The following C4orf51 variants were observed in gnomAD, a reference collection of about 807,000 sequenced individuals.
The protein encoded by C4orf51 is chromosome 4 open reading frame 51, also known as uncharacterized protein C4orf51.
In C4orf51, 25 loss-of-function variants were observed where a neutral mutation model predicts 25.2. That is an observed-to-expected ratio of 0.99 (90% CI 0.72 to 1.39). The LOEUF (loss-of-function observed/expected upper bound fraction) is 1.39, where lower values mean the gene tolerates loss of function less well. Among genes scored for constraint, C4orf51 ranks in the 40% most tolerant of loss-of-function variants. The pLI is 0.00. For missense variants in C4orf51, 252 were observed against 239.6 expected, an observed-to-expected ratio of 1.05 and a Z score of -0.34; for synonymous variants, 100 against 84.5, an observed-to-expected ratio of 1.18 and a Z score of -1.01.
At position 145,717,106 on chromosome 4, in the gene C4orf51, T is replaced by C. The variant is rs755498258; in HGVS notation, c.308-9805T>C. ...TACATTCATATTGTTTTTTGTGCCC[T>C]TCAGAATTCTGATTAACTTTGCTAA... On this transcript the variant is annotated intron_variant, in intron 2 of 5. Transcript: ENST00000438731. Among the ~76,000 whole-genome samples, 5 of 152,186 alleles carry C rather than the reference T, an allele frequency of 3.3e-5. No individual in the cohort carries two copies. In the East Asian group the frequency reaches 5.8e-4, roughly 18 times the overall value.
chr4:145,734,940 G>C (rs78806058), downstream of C4orf51, among the ~76,000 whole-genome samples: 11 of 152,196 alleles, frequency 7.2e-5, no homozygotes, highest in East Asian at 2.1e-3. Context: ...CCTTAGAGCC[G>C]GTTCAGTCTG....
At chr4:145,731,058 A>G (rs1452011996) in intron 5 of C4orf51, among the ~76,000 whole-genome samples, 3 of 152,214 alleles carry the variant, frequency 2.0e-5, no homozygotes, top group African/African-American at 7.2e-5. Flanking sequence ...TGGTCCCCTG[A>G]AAGTTATATT....
intron 1 of C4orf51, among the ~76,000 whole-genome samples, chr4:145,747,744 T>TTTCC (rs1319981800): frequency 8.2e-5 from 12 of 145,616 alleles, no homozygotes; most frequent in African/African-American, 1.8e-4. Flanking sequence ...CTCTTTTTCT[T>TTTCC]TTCCTTCCTT....
chr4:145,689,127 A>G, intron 1 of C4orf51, among the ~76,000 whole-genome samples: 1 of 152,220 alleles, frequency 6.6e-6, no homozygotes, highest in Non-Finnish European at 1.5e-5. Context: ...ATTAATTCAG[A>G]TGAATTAAAT....
At chr4:145,734,814 T>C (rs564538936), downstream of C4orf51, among the ~76,000 whole-genome samples, 313 of 152,268 alleles carry the variant, frequency 2.1e-3, 1 homozygote, top group African/African-American at 7.0e-3. Context: ...AGCCCTGGCC[T>C]CCCCAGATAG....
At chr4:145,789,423 C>T in the C4orf51 span, among the ~76,000 whole-genome samples, 1 of 152,150 alleles carries the variant, frequency 6.6e-6, no homozygotes, top group African/African-American at 2.4e-5. Context: ...ATAATTAAAA[C>T]AATAGCTTAT....
chr4:145,775,967 G>A, downstream of C4orf51: 1 of 1,614,120 alleles, frequency 6.2e-7, no homozygotes, highest in Non-Finnish European at 8.5e-7. Context: ...TCCTCTGGGG[G>A]AGAAGGAACA....
the C4orf51 span, among the ~76,000 whole-genome samples, chr4:145,791,247 C>G: frequency 6.6e-6 from 1 of 152,204 alleles, no homozygotes; most frequent in African/African-American, 2.4e-5. Flanking sequence ...ATCTTTCTCA[C>G]TCCACCCTCA....
chr4:145,789,828 A>C, the C4orf51 span, among the ~76,000 whole-genome samples: 24 of 152,332 alleles, frequency 1.6e-4, no homozygotes, highest in African/African-American at 5.5e-4. Flanking sequence ...GATCACATAA[A>C]TCTAAAGAGA....
intron 3 of C4orf51, among the ~76,000 whole-genome samples, chr4:145,728,565 C>T (rs1459388698): frequency 1.3e-5 from 2 of 152,136 alleles, no homozygotes; most frequent in Non-Finnish European, 2.9e-5. Context: ...TCCTGGGAGC[C>T]TCCAGTCACA....
intron 2 of C4orf51, among the ~76,000 whole-genome samples, chr4:145,697,044 A>T: frequency 1.0e-5 from 1 of 99,218 alleles, no homozygotes; most frequent in South Asian, 3.8e-4. Flanking sequence ...AAAAAACAAA[A>T]CAAAACCAAC....
At chr4:145,685,851 A>G (rs896529799) in intron 1 of C4orf51, among the ~76,000 whole-genome samples, 22 of 152,138 alleles carry the variant, frequency 1.4e-4, no homozygotes, top group African/African-American at 5.3e-4. Context: ...CAAAAACAAA[A>G]CTAGAAAATG....
intron 1 of C4orf51, among the ~76,000 whole-genome samples, chr4:145,690,667 C>T (rs551003150): frequency 1.6e-4 from 24 of 151,948 alleles, no homozygotes; most frequent in African/African-American, 3.9e-4. Context: ...TCTGCATAGC[C>T]GAAGAAACTA....
downstream of C4orf51, among the ~76,000 whole-genome samples, chr4:145,734,646 T>C (rs1175978108): frequency 6.6e-6 from 1 of 152,182 alleles, no homozygotes; most frequent in African/African-American, 2.4e-5. Flanking sequence ...GTTTTAAAAA[T>C]GAAACCAGGT....
the C4orf51 span, among the ~76,000 whole-genome samples, chr4:145,782,187 T>C: frequency 7.2e-5 from 11 of 152,226 alleles, no homozygotes; most frequent in Non-Finnish European, 1.2e-4. Flanking sequence ...GCAATCCATT[T>C]TTATTTTGCA....
chr4:145,765,845 G>A lies in C4orf51; in HGVS notation n.167-5143G>A. The stretch of plus-strand genomic sequence containing the variant: ...CTCATGGATGCATCATCATTCTGGG[G>A]GCACAGGCTCATGTCCCCAGCTCCC... On this transcript the variant is annotated intron_variant and non_coding_transcript_variant, in intron 1 of 1. Coordinates refer to the C4orf51 transcript ENST00000510096. This position sits in a 1 kb window ranked among gnomAD's most constrained non-coding sequence, Gnocchi z 4.7. The A allele has an allele frequency of 2.6e-6, 3 of 1,175,108 alleles. No homozygotes were observed. Among genetic ancestry groups the A allele is most frequent in the Non-Finnish European group, 3.5e-6 (3 of 846,614 alleles). 72.8% of individuals were successfully genotyped at this position (1,175,108 alleles called of 1,614,324 possible). A position where few individuals can be genotyped will look rare whatever the true frequency, so the allele number is the denominator to read the frequency against.
At chr4:145,775,985 G>T, downstream of C4orf51, 1 of 1,613,746 alleles carries the variant, frequency 6.2e-7, no homozygotes, top group Non-Finnish European at 8.5e-7. Flanking sequence ...ACAGGAAAAA[G>T]CCCAAATCGC....
At chr4:145,776,612 TTG>T in the C4orf51 span, among the ~76,000 whole-genome samples, 11 of 150,908 alleles carry the variant, frequency 7.3e-5, no homozygotes, top group Admixed American at 1.3e-4. Context: ...GCATGTCTGT[TTG>T]TGTGTGTGTG....
chr4:145,705,075 T>C (rs766325715), intron 2 of C4orf51, among the ~76,000 whole-genome samples: 15 of 152,172 alleles, frequency 9.9e-5, no homozygotes, highest in South Asian at 2.1e-4. Context: ...TGCTAACACT[T>C]GAGAGGAGAG....
Sources: allele counts gnomAD v4.1 joint callset (sites outside exome capture counted in the v4.1 genomes callset), GRCh38; gene constraint gnomAD v4.1.1; non-coding constraint Gnocchi (gnomAD v3.1); transcripts MANE v1.5; gene names NCBI Gene and HGNC (gene_info 2026-07-23, HGNC 2026-07-21).